SLC12A7: variants seen among roughly 807,000 people sequenced by gnomAD.
SLC12A7 encodes the protein K-Cl cotransporter 4.
SLC12A7 carries 100 observed loss-of-function variants against 120.6 expected under a neutral mutation model. That is an observed-to-expected ratio of 0.83 (90% CI 0.71 to 0.98). The LOEUF is 0.98. Among genes scored for constraint, SLC12A7 ranks in the 50% least tolerant of loss-of-function variants. The pLI is 0.00. For synonymous variants in SLC12A7, 760 were observed against 678.0 expected (o/e 1.12, Z -1.88); for missense variants, 1,373 against 1,548.1 (o/e 0.89, Z 1.90).
At chr5:1,073,606 C>G (rs1464917671) in intron 17 of SLC12A7, 27 bp downstream of exon 17, 12 of 1,583,302 alleles carry the variant, frequency 7.6e-6, no homozygotes, top group Non-Finnish European at 9.4e-6. Context: ...GGAAAGAGGC[C>G]TGGCCCCCAG....
At chr5:1,149,134 G>GAAGGGGACTGTGGATCCTACGATGCCA in the SLC12A7 span, among the ~76,000 whole-genome samples, 4 of 58,064 alleles carry the variant, frequency 6.9e-5, no homozygotes, top group South Asian at 3.9e-4. Flanking sequence ...CTACGATGCC[G>GAAGGGGACTGTGGATCCTACGATGCCA]CACCCAGAAG....
chr5:1,135,282 T>A, the SLC12A7 span, among the ~76,000 whole-genome samples: 2 of 152,228 alleles, frequency 1.3e-5, no homozygotes, highest in African/African-American at 4.8e-5. Flanking sequence ...CAGCTGAGCC[T>A]GTGAGATTTT....
intron 9 of SLC12A7, among the ~76,000 whole-genome samples, chr5:1,081,348 GC>G (rs553174231): frequency 1.2e-3 from 178 of 152,014 alleles, no homozygotes; most frequent in African/African-American, 4.1e-3. Flanking sequence ...GGTCCCGGCT[GC>G]CCCCCTCTAC....
chr5:1,123,457 T>G, the SLC12A7 span, among the ~76,000 whole-genome samples: 1 of 152,220 alleles, frequency 6.6e-6, no homozygotes, highest in Non-Finnish European at 1.5e-5. Flanking sequence ...CTAGGGTTCC[T>G]GGCAAAAGAA....
intron 5 of SLC12A7, 58 bp downstream of exon 5, chr5:1,088,248 G>A (rs1740106137): frequency 9.8e-6 from 15 of 1,537,816 alleles, no homozygotes; most frequent in Middle Eastern, 1.7e-4. Flanking sequence ...GTTGCCGTGC[G>A]GCAAAACACA....
Position 1,051,192 on chromosome 5 carries a change from T to C in SLC12A7, c.*1168A>G, listed in dbSNP as rs1415802451. 2.8e-6 allele frequency: 1 copy of C among 356,242 alleles called. No homozygotes were observed. The highest frequency in any genetic ancestry group is 4.0e-5 in the East Asian group (1 of 24,716). 22.1% of individuals were successfully genotyped at this position (356,242 alleles called of 1,614,324 possible). ...GGGCCCTTGAAAGCTATCTCTTCAG[T>C]GCCACCGCCGCCTCCATGCAAGGCA... is the stretch of plus-strand genomic sequence containing the variant. On this transcript the variant is annotated 3_prime_UTR_variant, in exon 24 of 24. Transcript: ENST00000264930.
the SLC12A7 span, among the ~76,000 whole-genome samples, chr5:1,130,587 C>A: frequency 6.6e-6 from 1 of 150,826 alleles, no homozygotes; most frequent in Non-Finnish European, 1.5e-5. Flanking sequence ...AGGGCGGCTG[C>A]CCGCGCAGGT....
chr5:1,086,958 AGGTAGAAG>A lies in SLC12A7; in HGVS notation c.612_619del (p.Phe205GlyfsTer146). ...CATGGCCCCTGCAAACGTCGTGCCC[AGGTAGAAG>A]CAGAGGCCGACAGCGCCTCCAAACT... On this transcript the variant is annotated frameshift_variant, in exon 6 of 24. Coordinates refer to ENST00000264930, the MANE Select transcript of SLC12A7 (RefSeq NM_006598.3). LOFTEE classifies it high-confidence loss of function. 6.2e-7 allele frequency: 1 copy of A among 1,612,896 alleles called. No individual in the cohort carries two copies. Among genetic ancestry groups the A allele is most frequent in the South Asian group, 1.1e-5 (1 of 91,084 alleles).
At chr5:1,139,537 T>C in the SLC12A7 span, among the ~76,000 whole-genome samples, 1 of 152,256 alleles carries the variant, frequency 6.6e-6, no homozygotes, top group African/African-American at 2.4e-5. Flanking sequence ...TGGTGCCACA[T>C]GCCGGAACCT....
chr5:1,132,477 A>G, the SLC12A7 span, among the ~76,000 whole-genome samples: 4 of 151,306 alleles, frequency 2.6e-5, no homozygotes, highest in Non-Finnish European at 4.4e-5. Flanking sequence ...TTCTTGTGTG[A>G]GGTCCAAGAA....
In SLC12A7 at chr5:1,078,021, G is replaced by C; in HGVS notation, c.1455-14C>G. The C allele has an allele frequency of 6.5e-7, 1 of 1,546,448 alleles. No individual in the cohort carries two copies. ...GCCTCCCCGAACCTGCAGGCAGGCG[G>C]GCAGGCGGGCGGGCGGCTTTCAGAA... On this transcript the variant is annotated splice_polypyrimidine_tract_variant and intron_variant, in intron 11 of 23. Coordinates refer to ENST00000264930, the MANE Select transcript of SLC12A7 (RefSeq NM_006598.3).
chr5:1,055,582 C>T (rs1046190824), intron 22 of SLC12A7, among the ~76,000 whole-genome samples: 2 of 152,178 alleles, frequency 1.3e-5, no homozygotes, highest in South Asian at 4.1e-4. Flanking sequence ...ACAAAGCCCA[C>T]GCGTTGTCCA....
At position 1,078,885 on chromosome 5, in the gene SLC12A7, G is replaced by A. The variant is rs544023751; in HGVS notation, c.1397-127C>T. On this transcript the variant is annotated intron_variant, in intron 10 of 23. Transcript: ENST00000264930. ...AGCGGGCCGCAGGATCCAGGTGGGC[G>A]GGGACCGTTCTGCATCCCATCCCAT... is the stretch of plus-strand genomic sequence containing the variant. The A allele has an allele frequency of 8.6e-5, 63 of 734,436 alleles. No homozygotes were observed. The South Asian group carries it at 9.8e-4, about 11-fold the overall frequency. The allele number at this position is 734,436 out of a possible 1,614,324, so 45.5% of individuals were successfully genotyped here. A position where few individuals can be genotyped will look rare whatever the true frequency, so the allele number is the denominator to read the frequency against.
the SLC12A7 span, among the ~76,000 whole-genome samples, chr5:1,117,932 C>T: frequency 2.0e-5 from 3 of 152,236 alleles, no homozygotes; most frequent in South Asian, 4.1e-4. This position sits in a 1 kb window ranked among gnomAD's most constrained non-coding sequence, Gnocchi z 4.5. Flanking sequence ...AAACATTAGC[C>T]GGTCATGGTG....
Position 1,079,487 on chromosome 5 carries a change from G to A in SLC12A7, c.1307C>T (p.Ala436Val), listed in dbSNP as rs779674998. Residue 436 changes from alanine (A) to valine (V), a missense_variant, in exon 10 of 24, where the codon GCG (alanine) becomes GTG (valine). Ala to Val is a moderately conservative substitution (Grantham distance 64, BLOSUM62 0). Transcript: ENST00000264930. ...IYFPSVTGIM[A>V]GSNRSGDLKD... ...GAGGTCCCCGGACCGGTTTGAACCCGCCATGATACCTGTGAACATGGAAAA... is the reference window on the plus strand; with the variant it reads ...GAGGTCCCCGGACCGGTTTGAACCCACCATGATACCTGTGAACATGGAAAA... The A allele has an allele frequency of 2.4e-5, 38 of 1,612,166 alleles. No individual in the cohort carries two copies. Among genetic ancestry groups the A allele is most frequent in the East Asian group, 6.7e-5 (3 of 44,890 alleles).
At chr5:1,116,476 G>A (rs559169978), upstream of SLC12A7, among the ~76,000 whole-genome samples, 46 of 152,318 alleles carry the variant, frequency 3.0e-4, no homozygotes, top group Middle Eastern at 3.4e-3. Context: ...CACAGAGCTC[G>A]TCTCAGACCA....
intron 7 of SLC12A7, among the ~76,000 whole-genome samples, chr5:1,084,380 G>A (rs1024786105): frequency 3.3e-5 from 5 of 152,214 alleles, no homozygotes; most frequent in South Asian, 2.1e-4. Context: ...GCACAGCCAC[G>A]CTGCAGCCGC....
the SLC12A7 span, among the ~76,000 whole-genome samples, chr5:1,154,354 AAC>A: frequency 0.13 from 17,921 of 141,668 alleles, 1,179 homozygotes; most frequent in Middle Eastern, 0.24. Flanking sequence ...TGGTGTCCGC[AAC>A]ACACACACAC....
chr5:1,058,079 C>T lies in SLC12A7; in HGVS notation c.2848-430G>A, dbSNP rs188680053. ...CGTACCAGCATCCAGGCCCTGTCCC[C>T]GGGGAAGCAGGCTGTGTCTGACCAG... On this transcript the variant is annotated intron_variant, in intron 21 of 23. Transcript: ENST00000264930. 1.4e-4 allele frequency among the ~76,000 whole-genome samples: 22 copies of T among 152,326 alleles called. No individual in the cohort carries two copies. The South Asian group carries it at 3.5e-3, about 24-fold the overall frequency.
Sources: allele counts gnomAD v4.1 joint callset (sites outside exome capture counted in the v4.1 genomes callset), GRCh38; gene constraint gnomAD v4.1.1; non-coding constraint Gnocchi (gnomAD v3.1); transcripts MANE v1.5; gene names NCBI Gene and HGNC (gene_info 2026-07-23, HGNC 2026-07-21).